KIAA0319: variants seen among roughly 807,000 people sequenced by gnomAD.
KIAA0319 encodes the protein KIAA0319.
Under a neutral mutation model 108.4 loss-of-function variants are expected in KIAA0319, and 83 were observed. The observed-to-expected ratio is 0.77, with a 90% CI of 0.64 to 0.92. The LOEUF (loss-of-function observed/expected upper bound fraction) is 0.92. Among genes scored for constraint, KIAA0319 ranks in the 40% least tolerant of loss-of-function variants. The pLI is 0.00. For missense variants in KIAA0319, 1,195 were observed against 1,322.4 expected (o/e 0.90, Z 1.49); for synonymous variants, 484 against 510.4 (o/e 0.95, Z 0.70).
At chr6:24,540,823 A>G (rs770989221), downstream of KIAA0319, among the ~76,000 whole-genome samples, 5 of 152,110 alleles carry the variant, frequency 3.3e-5, no homozygotes, top group Non-Finnish European at 5.9e-5. Context: ...TGTACCCTTC[A>G]CCCAGTGGTT....
chr6:24,576,317 T>TAGAC lies in KIAA0319; in HGVS notation c.1734+47_1734+50dup, dbSNP rs144779400. Reference sequence around the variant, plus strand: ...CCCCAACCAATAGCACATAGCTAGGTAGACAGACAGACAGACAGACAAAAG... The same window carrying TAGAC: ...CCCCAACCAATAGCACATAGCTAGGTAGACAGACAGACAGACAGACAGACAAAAG... On this transcript the variant is annotated intron_variant, in intron 10 of 20. Coordinates refer to ENST00000378214, the MANE Select transcript of KIAA0319 (RefSeq NM_014809.4). 67 of 1,442,198 alleles carry TAGAC rather than the reference T, an allele frequency of 4.6e-5. No homozygotes were observed. The East Asian group carries it at 5.2e-4, about 11-fold the overall frequency. 89.3% of individuals were successfully genotyped at this position (1,442,198 alleles called of 1,614,324 possible). A position where few individuals can be genotyped will look rare whatever the true frequency, so the allele number is the denominator to read the frequency against.
At position 24,578,246 on chromosome 6, in the gene KIAA0319, C is replaced by A. The variant is rs749827413; in HGVS notation, c.1373-4G>T. The A allele has an allele frequency of 1.1e-5, 17 of 1,575,988 alleles. No individual in the cohort carries two copies. In the Admixed American group the frequency reaches 2.6e-4, roughly 24 times the overall value. On this transcript the variant is annotated splice_region_variant and splice_polypyrimidine_tract_variant and intron_variant, in intron 8 of 20. Transcript: ENST00000378214. ...ATTTCAGTATCATCTGTACTTTCTA[C>A]AAGATTAAGAAATAAAGACAAGAAT...
At chr6:24,607,165 G>C (rs1291438422) in intron 1 of KIAA0319, among the ~76,000 whole-genome samples, 1 of 152,210 alleles carries the variant, frequency 6.6e-6, no homozygotes, top group Non-Finnish European at 1.5e-5. Flanking sequence ...AGACCAGCCT[G>C]ACCAACATGG....
In KIAA0319 at chr6:24,557,871, C is replaced by T. The variant is rs191983069; in HGVS notation, c.2734+1142G>A. Among the ~76,000 whole-genome samples, 8 of 152,104 alleles carry T rather than the reference C, an allele frequency of 5.3e-5. No individual in the cohort carries two copies. In the East Asian group the frequency reaches 1.5e-3, roughly 29 times the overall value. ...TCAGCCTCTGGAGTAGCTGGGATTA[C>T]AGGCATGTGCTACTGTTCCTGGCTC... On this transcript the variant is annotated intron_variant, in intron 17 of 20. Transcript: ENST00000378214.
rs899749079 is a variant in KIAA0319 at position 24,597,649 on chromosome 6, C to G, written c.56-1031G>C. Among the ~76,000 whole-genome samples the G allele has an allele frequency of 2.0e-5, 3 of 152,104 alleles. No homozygotes were observed. In the East Asian group the frequency reaches 5.8e-4, roughly 29 times the overall value. On this transcript the variant is annotated intron_variant, in intron 2 of 20. Coordinates refer to ENST00000378214, the MANE Select transcript of KIAA0319 (RefSeq NM_014809.4). ...TCAAACTGGAGACCAGGGAACCTGT[C>G]GCCTATGTTTGTATGCTCTATGAAT...
chr6:24,567,638 CT>C (rs1764087380), intron 13 of KIAA0319, among the ~76,000 whole-genome samples: 1 of 152,262 alleles, frequency 6.6e-6, no homozygotes, highest in African/African-American at 2.4e-5. Context: ...GAGTTTGAGG[CT>C]GCAATGAGCT....
At chr6:24,592,803 T>G (rs768406931) in intron 3 of KIAA0319, among the ~76,000 whole-genome samples, 50 of 152,202 alleles carry the variant, frequency 3.3e-4, no homozygotes, top group African/African-American at 1.2e-3. Flanking sequence ...AAATCCCATC[T>G]CTACCAAAAA....
At position 24,588,808 on chromosome 6, in the gene KIAA0319, A is replaced by C. The variant is rs748895737; in HGVS notation, c.802-23T>G. ...AACCTACGAGATCAATTACAAGGAT[A>C]AATTGTTATTAAAAAAAAAACAGTC... On this transcript the variant is annotated intron_variant, in intron 3 of 20. Transcript: ENST00000378214. 1.9e-6 allele frequency: 3 copies of C among 1,579,552 alleles called. No individual in the cohort carries two copies. In the South Asian group the frequency reaches 3.4e-5, roughly 18 times the overall value.
intron 1 of KIAA0319, among the ~76,000 whole-genome samples, chr6:24,601,890 GT>G (rs1443028228): frequency 6.6e-6 from 1 of 152,190 alleles, no homozygotes; most frequent in African/African-American, 2.4e-5. Context: ...CAAGGGACTG[GT>G]TTCCCGGGCT....
intron 1 of KIAA0319, among the ~76,000 whole-genome samples, chr6:24,611,320 G>A (rs1582221484): frequency 6.6e-6 from 1 of 152,094 alleles, no homozygotes; most frequent in Non-Finnish European, 1.5e-5. Context: ...CCAACAGGCT[G>A]AAACCCTGTC....
At chr6:24,629,770 G>C (rs375918465) in intron 1 of KIAA0319, among the ~76,000 whole-genome samples, 1 of 152,138 alleles carries the variant, frequency 6.6e-6, no homozygotes, top group East Asian at 1.9e-4. Flanking sequence ...AAAATTATAT[G>C]TTACAGAACC....
chr6:24,592,458 G>T (rs948150233), intron 3 of KIAA0319, among the ~76,000 whole-genome samples: 1 of 152,040 alleles, frequency 6.6e-6, no homozygotes, highest in Admixed American at 6.5e-5. Context: ...AAGAGATGGG[G>T]TCTCACTCTG....
intron 1 of KIAA0319, among the ~76,000 whole-genome samples, chr6:24,635,352 C>T (rs1776063376): frequency 2.0e-5 from 3 of 152,258 alleles, no homozygotes; most frequent in South Asian, 4.1e-4. Flanking sequence ...GACCCAATCG[C>T]CTTGGCCTCC....
At chr6:24,554,969 T>C (rs769105893) in intron 18 of KIAA0319, among the ~76,000 whole-genome samples, 1 of 152,170 alleles carries the variant, frequency 6.6e-6, no homozygotes, top group Admixed American at 6.6e-5. Context: ...CATCAAAATA[T>C]TCATTCCAGA....
chr6:24,550,918 G>A (rs1761389478), intron 20 of KIAA0319, among the ~76,000 whole-genome samples: 1 of 152,030 alleles, frequency 6.6e-6, no homozygotes, highest in South Asian at 2.1e-4. Context: ...AATTTATAAT[G>A]AACCCACTGC....
chr6:24,621,407 GC>G (rs1773911366), intron 1 of KIAA0319, among the ~76,000 whole-genome samples: 1 of 152,138 alleles, frequency 6.6e-6, no homozygotes. Context: ...CTCTAAAGAG[GC>G]AGATCATGGA....
chr6:24,623,822 G>A (rs1462528501), intron 1 of KIAA0319, among the ~76,000 whole-genome samples: 2 of 152,060 alleles, frequency 1.3e-5, no homozygotes, highest in Non-Finnish European at 2.9e-5. Context: ...TATTTGAGGT[G>A]AGAGGTGATG....
Position 24,576,476 on chromosome 6 carries a change from G to C in KIAA0319, c.1626C>G (p.Pro542=). ...NAGPNHTITL[P]QNSITLNGNQ... is the part of the protein sequence containing the mutation. ...TTCCATTCAAAGTGATGGAGTTTTG[G>C]GGCAAAGTTATGGTGTGATTTGGTC... Residue 542 remains proline, a synonymous_variant, in exon 10 of 21, where the codon CCC becomes CCG. Coordinates refer to ENST00000378214, the MANE Select transcript of KIAA0319 (RefSeq NM_014809.4). 6.2e-7 allele frequency: 1 copy of C among 1,614,090 alleles called. No homozygotes were observed.
intron 3 of KIAA0319, among the ~76,000 whole-genome samples, chr6:24,593,487 G>C (rs1768854504): frequency 6.6e-6 from 1 of 150,564 alleles, no homozygotes; most frequent in Non-Finnish European, 1.5e-5. Context: ...GCACCTCCCG[G>C]GTTCACGCCA....
Sources: allele counts gnomAD v4.1 joint callset (sites outside exome capture counted in the v4.1 genomes callset), GRCh38; gene constraint gnomAD v4.1.1; transcripts MANE v1.5; gene names NCBI Gene and HGNC (gene_info 2026-07-23, HGNC 2026-07-21).